Variants in DDX60 observed in about 807,000 individuals in gnomAD.
The protein encoded by DDX60 is probable ATP-dependent RNA helicase DDX60.
DDX60 carries 165 observed loss-of-function variants against 212.8 expected under a neutral mutation model. That is an observed-to-expected ratio of 0.78 (90% CI 0.68 to 0.88). The LOEUF (loss-of-function observed/expected upper bound fraction) is 0.88, where lower values mean the gene tolerates loss of function less well. Among genes scored for constraint, DDX60 ranks in the 40% least tolerant of loss-of-function variants. The pLI is 0.00. For synonymous variants in DDX60, 703 were observed against 685.3 expected, an observed-to-expected ratio of 1.03 and a Z score of -0.40; for missense variants, 1,905 against 2,003.9, an observed-to-expected ratio of 0.95 and a Z score of 0.94.
chr4:168,255,848 T>G lies in DDX60; in HGVS notation c.3420A>C (p.Glu1140Asp). The change falls in exon 26 of 38, where the codon GAA becomes GAC. Residue 1140 changes from glutamate to aspartate, a missense_variant. Transcript: ENST00000393743. ...AAGTGCTCACACTTTCAGCTGCGTTTTCTACAGCTCCTAACTTGAATCTGG... is the reference window on the plus strand; with the variant it reads ...AAGTGCTCACACTTTCAGCTGCGTTGTCTACAGCTCCTAACTTGAATCTGG... ...LFFLFKLGAV[E>D]NAAESVSTFL... 1 of 1,591,672 alleles carries G rather than the reference T, an allele frequency of 6.3e-7. No homozygotes were observed. Among genetic ancestry groups the G allele is most frequent in the Non-Finnish European group, 8.5e-7 (1 of 1,173,920 alleles).
chr4:168,259,406 T>C lies in DDX60; in HGVS notation c.3398+1459A>G, dbSNP rs541404504. Among the ~76,000 whole-genome samples the C allele has an allele frequency of 3.3e-5, 5 of 152,276 alleles. No homozygotes were observed. In the East Asian group the frequency reaches 9.6e-4, roughly 29 times the overall value. On this transcript the variant is annotated intron_variant, in intron 25 of 37. Coordinates refer to ENST00000393743, the MANE Select transcript of DDX60 (RefSeq NM_017631.6). ...ATCCTTGGCAGTGCAGAAATGTATT[T>C]TCCTTATCCCAACAACAAAGATAAA...
intron 25 of DDX60, among the ~76,000 whole-genome samples, chr4:168,256,977 G>A (rs1384099806): frequency 1.3e-5 from 2 of 152,216 alleles, no homozygotes; most frequent in African/African-American, 4.8e-5. Context: ...TATGCCACAT[G>A]GCAAGAAATT....
chr4:168,322,915 T>C (rs953739197), upstream of DDX60, among the ~76,000 whole-genome samples: 3 of 152,144 alleles, frequency 2.0e-5, no homozygotes, highest in Non-Finnish European at 4.4e-5. Context: ...CACAGGAGGA[T>C]GTGATTGTTT....
In DDX60 at chr4:168,225,583, C is replaced by T; in HGVS notation, c.4627G>A (p.Val1543Ile). The T allele has an allele frequency of 6.2e-7, 1 of 1,611,302 alleles. No individual in the cohort carries two copies. The change falls in exon 34 of 38, where the codon GTT (valine) becomes ATT (isoleucine). Residue 1543 changes from valine to isoleucine, a missense_variant. Coordinates refer to ENST00000393743, the MANE Select transcript of DDX60 (RefSeq NM_017631.6). The part of the protein sequence containing the change: ...MEDFTTFLRI[V>I]SKLADMNQEY... ...TGATTCATATCAGCCAGTTTGGAAA[C>T]AATTCGTAGGAAAGTGGTAAAGTCC...
intron 15 of DDX60, 58 bp downstream of exon 15, chr4:168,275,957 C>A: frequency 2.6e-5 from 35 of 1,345,192 alleles, no homozygotes; most frequent in South Asian, 7.7e-5. Context: ...CTTTGCAAAA[C>A]ACTTTATGTA....
intron 19 of DDX60, among the ~76,000 whole-genome samples, chr4:168,271,829 C>T (rs1735113474): frequency 6.6e-6 from 1 of 152,090 alleles, no homozygotes; most frequent in Admixed American, 6.5e-5. Flanking sequence ...CCATACAGAA[C>T]TCTGCAGGGT....
intron 1 of DDX60, among the ~76,000 whole-genome samples, chr4:168,316,145 C>A (rs1463786351): frequency 6.6e-6 from 1 of 152,050 alleles, no homozygotes. Flanking sequence ...TTAAAGGAAG[C>A]TATAAAGAAA....
intron 24 of DDX60, among the ~76,000 whole-genome samples, chr4:168,261,450 A>T (rs1734620171): frequency 6.6e-6 from 1 of 152,218 alleles, no homozygotes; most frequent in Admixed American, 6.5e-5. Context: ...ACAAAAAAAA[A>T]TCCAATGAGA....
intron 25 of DDX60, among the ~76,000 whole-genome samples, chr4:168,256,657 CTG>C (rs1364069929): frequency 1.3e-5 from 2 of 152,144 alleles, no homozygotes; most frequent in African/African-American, 4.8e-5. Context: ...ATGCATTTCC[CTG>C]TGTCAAGAAG....
chr4:168,300,580 ATGTGTGTGTGTG>A (rs59696275), intron 6 of DDX60, among the ~76,000 whole-genome samples: 1 of 146,310 alleles, frequency 6.8e-6, no homozygotes, highest in East Asian at 2.0e-4. Flanking sequence ...TAACACCAGA[ATGTGTGTGTGTG>A]TGTGTGTGTG....
In DDX60 at chr4:168,224,397, AG is replaced by A; in HGVS notation, c.4682-13del. 1 of 1,610,044 alleles carries A rather than the reference AG, an allele frequency of 6.2e-7. No individual in the cohort carries two copies. The highest frequency in any genetic ancestry group is 8.5e-7 in the Non-Finnish European group (1 of 1,177,284). On this transcript the variant is annotated splice_polypyrimidine_tract_variant and intron_variant, in intron 34 of 37. Coordinates refer to ENST00000393743, the MANE Select transcript of DDX60 (RefSeq NM_017631.6). ...TTTACCTGTGAATTCTGACAATAAT[AG>A]TTAGGGATAGATTAGTGTTTTGAAC...
intron 12 of DDX60, among the ~76,000 whole-genome samples, chr4:168,283,899 TAAG>T (rs1422539192): frequency 1.3e-5 from 2 of 152,156 alleles, no homozygotes; most frequent in African/African-American, 4.8e-5. Flanking sequence ...TGAATTAGTT[TAAG>T]AAGAAGGTAG....
intron 1 of DDX60, 134 bp from the exon 2 acceptor site, chr4:168,311,499 C>G: frequency 2.2e-6 from 1 of 464,834 alleles, no homozygotes; most frequent in East Asian, 3.3e-5. Flanking sequence ...TCTCACAGAG[C>G]TTAAAGATAA....
In DDX60 at chr4:168,273,343, G is replaced by A. The variant is rs1560846053; in HGVS notation, c.2510C>T (p.Pro837Leu). The change falls in exon 18 of 38, where the codon CCA becomes CTA. Residue 837 changes from proline to leucine, a missense_variant. By Grantham distance (98) the Pro-to-Leu change is moderately conservative. Coordinates refer to ENST00000393743, the MANE Select transcript of DDX60 (RefSeq NM_017631.6). The part of the protein sequence containing the change: ...TVQNRFTKNL[P>L]SGEVLCGVFT... ...AACACCACAGAGAACTTCACCACTT[G>A]GCAGATTTTTCGTAAAACGATTCTG... The A allele has an allele frequency of 6.2e-7, 1 of 1,613,846 alleles. No individual in the cohort carries two copies. Among genetic ancestry groups the A allele is most frequent in the Admixed American group, 1.7e-5 (1 of 60,002 alleles).
chr4:168,230,047 C>T (rs560075955), intron 33 of DDX60, among the ~76,000 whole-genome samples: 3 of 152,022 alleles, frequency 2.0e-5, no homozygotes, highest in South Asian at 4.1e-4. Context: ...TGGAAATGGA[C>T]ACCAAAAGCA....
upstream of DDX60, among the ~76,000 whole-genome samples, chr4:168,319,518 G>A (rs1303691083): frequency 1.3e-5 from 2 of 152,100 alleles, no homozygotes; most frequent in Non-Finnish European, 1.5e-5. Flanking sequence ...ACTGTAATTG[G>A]TACTTTCATG....
chr4:168,249,182 C>T (rs1181176274), intron 28 of DDX60, among the ~76,000 whole-genome samples: 1 of 152,110 alleles, frequency 6.6e-6, no homozygotes, highest in Non-Finnish European at 1.5e-5. Flanking sequence ...GAGATTATGC[C>T]TATGGAAAAA....
intron 3 of DDX60, 115 bp downstream of exon 3, chr4:168,310,881 GCC>G (rs1184156566): frequency 3.8e-6 from 2 of 520,308 alleles, no homozygotes; most frequent in East Asian, 6.3e-5. Flanking sequence ...GTTGTTCAGT[GCC>G]CTTAGCCCCT....
At chr4:168,278,287 G>A (rs1242795883) in intron 14 of DDX60, among the ~76,000 whole-genome samples, 1 of 152,202 alleles carries the variant, frequency 6.6e-6, no homozygotes. Flanking sequence ...TAGTTTTGCT[G>A]TTGCACCTCA....
Sources: gnomAD v4.1 joint callset for allele counts (sites outside exome capture counted in the v4.1 genomes callset) on GRCh38, gnomAD v4.1.1 for gene constraint, MANE v1.5 for transcripts, NCBI Gene and HGNC (gene_info 2026-07-23, HGNC 2026-07-21) for gene names.